The following RASA1 variants were observed in gnomAD, a reference collection of about 807,000 sequenced individuals.
RASA1 encodes RAS p21 protein activator 1, also known as ras GTPase-activating protein 1.
A neutral mutation model predicts 132.2 loss-of-function variants in RASA1; 25 were observed. The ratio of observed to expected loss-of-function variants is 0.19; its 90% CI spans 0.14 to 0.26. The LOEUF (loss-of-function observed/expected upper bound fraction) is 0.26, where lower values mean the gene tolerates loss of function less well. Among genes scored for constraint, RASA1 ranks in the 10% least tolerant of loss-of-function variants. The probability of loss-of-function intolerance (pLI) is 1.00; values close to 1 mark genes in which losing one functional copy is unlikely to be tolerated. For missense variants in RASA1, 964 were observed against 1,299.2 expected (o/e 0.74, Z 3.97); for synonymous variants, 477 against 449.9 (o/e 1.06, Z -0.76).
At chr5:87,275,500 G>A (rs891682695) in intron 1 of RASA1, among the ~76,000 whole-genome samples, 1 of 152,044 alleles carries the variant, frequency 6.6e-6, no homozygotes, top group African/African-American at 2.4e-5. Context: ...GATGGCTGGA[G>A]CAGCTGGTAG....
intron 9 of RASA1, among the ~76,000 whole-genome samples, chr5:87,362,101 G>T (rs529158835): frequency 2.0e-5 from 3 of 152,260 alleles, no homozygotes; most frequent in East Asian, 3.9e-4. Flanking sequence ...TCATGTCTTA[G>T]TTCACCTGGT....
intron 11 of RASA1, among the ~76,000 whole-genome samples, chr5:87,368,755 A>G (rs1445858184): frequency 6.6e-6 from 1 of 152,196 alleles, no homozygotes; most frequent in African/African-American, 2.4e-5. Context: ...TCTCAGCTAC[A>G]CAGCCAGCTT....
chr5:87,273,683 CTTTTCT>C (rs1490666088), intron 1 of RASA1, among the ~76,000 whole-genome samples: 9 of 150,050 alleles, frequency 6.0e-5, no homozygotes, highest in Middle Eastern at 3.5e-3. Flanking sequence ...ATAGAGATTT[CTTTTCT>C]TTTTCTTTTT....
chr5:87,282,053 T>G (rs913124584), intron 1 of RASA1, among the ~76,000 whole-genome samples: 7 of 152,186 alleles, frequency 4.6e-5, no homozygotes, highest in African/African-American at 1.7e-4. Context: ...TTTGATGAAT[T>G]CCAGCTTACT....
intron 9 of RASA1, among the ~76,000 whole-genome samples, chr5:87,358,128 C>A (rs894559692): frequency 1.3e-5 from 2 of 152,050 alleles, no homozygotes; most frequent in Non-Finnish European, 2.9e-5. Flanking sequence ...ATGAGGTGAC[C>A]CTGTGTACCC....
At chr5:87,327,223 CTG>C (rs1054474773) in intron 1 of RASA1, among the ~76,000 whole-genome samples, 1 of 152,160 alleles carries the variant, frequency 6.6e-6, no homozygotes, top group African/African-American at 2.4e-5. Context: ...GATGAGGAAA[CTG>C]AGGCTCAGAG....
At chr5:87,296,423 T>A (rs1266934321) in intron 1 of RASA1, among the ~76,000 whole-genome samples, 1 of 152,208 alleles carries the variant, frequency 6.6e-6, no homozygotes, top group Non-Finnish European at 1.5e-5. Context: ...TCTCTCATGT[T>A]CTTCCTGAGT....
chr5:87,390,966 C>T lies in RASA1; in HGVS notation c.*83C>T. 7.3e-7 allele frequency: 1 copy of T among 1,364,738 alleles called. No homozygotes were observed. The highest frequency in any genetic ancestry group is 1.0e-6 in the Non-Finnish European group (1 of 958,006). The allele number at this position is 1,364,738 out of a possible 1,614,324, so 84.5% of individuals were successfully genotyped here. ...CAGTTTAATGTCTCCTTTGCTCTTG[C>T]CAAAAAATAGCACACTTTTCCACAT... On this transcript the variant is annotated 3_prime_UTR_variant, in exon 25 of 25. Coordinates refer to ENST00000274376, the MANE Select transcript of RASA1 (RefSeq NM_002890.3).
intron 5 of RASA1, among the ~76,000 whole-genome samples, chr5:87,340,515 T>C (rs910482748): frequency 1.3e-5 from 2 of 152,060 alleles, no homozygotes; most frequent in African/African-American, 4.8e-5. Flanking sequence ...GACCAAATTG[T>C]GAGAAGTAAA....
At chr5:87,389,342 A>G (rs368163597) in intron 23 of RASA1, 51 bp from the exon 24 acceptor site, 3 of 1,600,974 alleles carry the variant, frequency 1.9e-6, no homozygotes, top group Non-Finnish European at 2.6e-6. Context: ...AAAAAAAACA[A>G]AAAAAAAGAA....
chr5:87,358,531 C>T (rs1380980083), intron 9 of RASA1, among the ~76,000 whole-genome samples: 4 of 152,170 alleles, frequency 2.6e-5, no homozygotes, highest in Non-Finnish European at 4.4e-5. Context: ...AGAATATGAC[C>T]ACCACCAGAA....
intron 6 of RASA1, among the ~76,000 whole-genome samples, chr5:87,345,128 G>T (rs368943847): frequency 6.6e-6 from 1 of 151,920 alleles, no homozygotes; most frequent in Non-Finnish European, 1.5e-5. Context: ...TGTGATCCCA[G>T]TTCCCACGCC....
At chr5:87,385,767 T>C (rs886985689) in intron 22 of RASA1, among the ~76,000 whole-genome samples, 20 of 151,578 alleles carry the variant, frequency 1.3e-4, no homozygotes, top group Admixed American at 1.2e-3. Flanking sequence ...AATTGTACTA[T>C]CTAAGGATAA....
chr5:87,388,721 A>T lies in RASA1; in HGVS notation c.2926-672A>T, dbSNP rs144153714. On this transcript the variant is annotated intron_variant, in intron 23 of 24. Transcript: ENST00000274376. ...TAGTCCACAGATAATTGCAAACCTG[A>T]CAGGTTCTCATTGCATTTTCATAGT... Among the ~76,000 whole-genome samples the T allele has an allele frequency of 9.0e-3, 1,371 of 152,310 alleles. 1 individual carries two copies. The highest frequency in any genetic ancestry group is 0.031 in the African/African-American group (1,272 of 41,562).
intron 1 of RASA1, among the ~76,000 whole-genome samples, chr5:87,321,718 G>A (rs1756825357): frequency 1.3e-5 from 2 of 152,246 alleles, no homozygotes; most frequent in Non-Finnish European, 2.9e-5. Context: ...GCAAGTGGAT[G>A]AGTTCTTGCT....
At chr5:87,285,554 T>A (rs1212338251) in intron 1 of RASA1, among the ~76,000 whole-genome samples, 1 of 151,900 alleles carries the variant, frequency 6.6e-6, no homozygotes, top group Non-Finnish European at 1.5e-5. Flanking sequence ...GTAATGCAAT[T>A]CTCTTCTTAA....
chr5:87,299,160 A>C (rs1342400371), intron 1 of RASA1, among the ~76,000 whole-genome samples: 1 of 152,204 alleles, frequency 6.6e-6, no homozygotes, highest in African/African-American at 2.4e-5. Flanking sequence ...TTAATATACT[A>C]AACAAACTTT....
At chr5:87,306,271 G>T (rs991124208) in intron 1 of RASA1, among the ~76,000 whole-genome samples, 2 of 152,166 alleles carry the variant, frequency 1.3e-5, no homozygotes, top group Admixed American at 1.3e-4. Flanking sequence ...TATATACCAT[G>T]GAATACTATG....
intron 1 of RASA1, chr5:87,330,853 T>C (rs1757549883): frequency 2.7e-6 from 2 of 735,128 alleles, no homozygotes; most frequent in Non-Finnish European, 3.8e-6. Flanking sequence ...GAAATTAAAA[T>C]AGCATCCTTT....
Sources: gnomAD v4.1 joint callset for allele counts (sites outside exome capture counted in the v4.1 genomes callset) on GRCh38, gnomAD v4.1.1 for gene constraint, MANE v1.5 for transcripts, NCBI Gene and HGNC (gene_info 2026-07-23, HGNC 2026-07-21) for gene names.